The following IPO8 variants were observed in gnomAD, a reference collection of about 807,000 sequenced individuals.
The protein encoded by IPO8 is importin-8.
A neutral mutation model predicts 141.2 loss-of-function variants in IPO8; 65 were observed. That is an observed-to-expected ratio of 0.46 (90% CI 0.38 to 0.57). The LOEUF is 0.57. Among genes scored for constraint, IPO8 ranks in the 20% least tolerant of loss-of-function variants. The pLI is 0.00. For missense variants in IPO8, 980 were observed against 1,246.8 expected (o/e 0.79, Z 3.22); for synonymous variants, 411 against 420.3 (o/e 0.98, Z 0.27).
chr12:30,647,253 T>A (rs1450385840), intron 20 of IPO8, among the ~76,000 whole-genome samples: 1 of 152,138 alleles, frequency 6.6e-6, no homozygotes, highest in East Asian at 1.9e-4. Flanking sequence ...CATAACTACA[T>A]GCAAAAGAAT....
chr12:30,661,344 A>G, intron 15 of IPO8, 78 bp from the exon 16 acceptor site: 2 of 1,341,522 alleles, frequency 1.5e-6, no homozygotes, highest in East Asian at 2.7e-5. Flanking sequence ...GCAAAATGGC[A>G]GTGTCACACA....
chr12:30,634,207 C>G lies in IPO8; in HGVS notation c.2775G>C (p.Glu925Asp), dbSNP rs1456674291. The G allele has an allele frequency of 6.2e-7, 1 of 1,613,902 alleles. No homozygotes were observed. Among genetic ancestry groups the G allele is most frequent in the Non-Finnish European group, 8.5e-7 (1 of 1,179,810 alleles). ...MQSNNGRGED[E>D]EEEDDDWDEE... ...CATCCCAGTCATCATCTTCCTCCTCCTCATCTTCACCTCTTCCATTATTTG... is the reference window on the plus strand; with the variant it reads ...CATCCCAGTCATCATCTTCCTCCTCGTCATCTTCACCTCTTCCATTATTTG... Residue 925 changes from glutamate to aspartate, a missense_variant, in exon 23 of 25, where the codon GAG becomes GAC. Physicochemically the swap from Glu to Asp is conservative, Grantham distance 45. Coordinates refer to ENST00000256079, the MANE Select transcript of IPO8 (RefSeq NM_006390.4).
At position 30,641,493 on chromosome 12, in the gene IPO8, CT is replaced by C. The variant is rs58656525; in HGVS notation, c.2269-1759del. ...CCGTTACCAAAAAATTAAGCTATTT[CT>C]TTTTTTTTTTTTTTTTTCTTTTTTG... On this transcript the variant is annotated intron_variant, in intron 20 of 24. Coordinates refer to ENST00000256079, the MANE Select transcript of IPO8 (RefSeq NM_006390.4). Among the ~76,000 whole-genome samples the C allele has an allele frequency of 7.8e-4, 105 of 135,050 alleles. 1 individual carries two copies. The highest frequency in any genetic ancestry group is 5.4e-3 in the East Asian group (23 of 4,256). 88.6% of individuals were successfully genotyped at this position (135,050 alleles called of 152,430 possible).
At chr12:30,657,541 A>T (rs748698334) in intron 16 of IPO8, among the ~76,000 whole-genome samples, 30 of 152,130 alleles carry the variant, frequency 2.0e-4, no homozygotes, top group Non-Finnish European at 4.4e-4. Context: ...ACTTCAAGGG[A>T]TTTACCCTTC....
chr12:30,667,583 T>C (rs2052984587), intron 10 of IPO8, among the ~76,000 whole-genome samples: 1 of 152,168 alleles, frequency 6.6e-6, no homozygotes, highest in Non-Finnish European at 1.5e-5. Flanking sequence ...TTCCCTATGG[T>C]TACCCAAAAG....
chr12:30,634,230 T>C lies in IPO8; in HGVS notation c.2752A>G (p.Asn918Asp). Residue 918 changes from asparagine to aspartate, a missense_variant, in exon 23 of 25, where the codon AAT becomes GAT. By Grantham distance (23) the Asn-to-Asp change is conservative (BLOSUM62 1). This residue lies in a region of IPO8 where 924 missense variants were observed against 1,153.9 expected (regional missense o/e 0.80). Coordinates refer to ENST00000256079, the MANE Select transcript of IPO8 (RefSeq NM_006390.4). ...TNVTAQAMQS[N>D]NGRGEDEEEE... ...TCCTCATCTTCACCTCTTCCATTAT[T>C]TGACTGCATTGCTTGAGCAGTTACA... 6.2e-7 allele frequency: 1 copy of C among 1,614,012 alleles called. No individual in the cohort carries two copies.
At position 30,630,331 on chromosome 12, in the gene IPO8, GA is replaced by G. The variant is rs1188889707; in HGVS notation, c.*528del. 1.3e-5 allele frequency: 2 copies of G among 152,238 alleles called. No individual in the cohort carries two copies. Among genetic ancestry groups the G allele is most frequent in the African/African-American group, 4.8e-5 (2 of 41,450 alleles). 9.4% of individuals were successfully genotyped at this position (152,238 alleles called of 1,614,324 possible). On this transcript the variant is annotated 3_prime_UTR_variant, in exon 25 of 25. Coordinates refer to ENST00000256079, the MANE Select transcript of IPO8 (RefSeq NM_006390.4). ...GAGCAGAGGGAGCCGTGAAGATTTTGAAACCAGAGTGACTTGCAGTAACTGC... is the reference window on the plus strand; with the variant it reads ...GAGCAGAGGGAGCCGTGAAGATTTTGAACCAGAGTGACTTGCAGTAACTGC...
intron 21 of IPO8, 87 bp from the exon 22 acceptor site, chr12:30,637,274 A>G (rs2052516286): frequency 1.8e-5 from 17 of 962,104 alleles, no homozygotes; most frequent in Non-Finnish European, 2.8e-5. Flanking sequence ...GAAATGTCCA[A>G]GGCATACTCT....
At position 30,636,965 on chromosome 12, in the gene IPO8, CA is replaced by C; in HGVS notation, c.2695+16del. The C allele has an allele frequency of 6.3e-7, 1 of 1,596,624 alleles. No individual in the cohort carries two copies. Among genetic ancestry groups the C allele is most frequent in the South Asian group, 1.1e-5 (1 of 90,652 alleles). On this transcript the variant is annotated intron_variant, in intron 22 of 24. Transcript: ENST00000256079. The stretch of plus-strand genomic sequence containing the variant: ...TCAAAATCAATTGTAACATTAATTT[CA>C]ATTAGAAGACTTTACCATTTTCTTC...
At position 30,649,148 on chromosome 12, in the gene IPO8, C is replaced by G. The variant is rs1223739373; in HGVS notation, c.2257G>C (p.Gly753Arg). 1 of 1,611,116 alleles carries G rather than the reference C, an allele frequency of 6.2e-7. No homozygotes were observed. The change falls in exon 20 of 25, where the codon GGA becomes CGA. Residue 753 changes from glycine to arginine, a missense_variant. Coordinates refer to ENST00000256079, the MANE Select transcript of IPO8 (RefSeq NM_006390.4). Reference protein sequence around the residue: ...EVIILQCKGRGIDQCIPLFVQ... With the variant: ...EVIILQCKGRRIDQCIPLFVQ... ...CAGACATATATTACCTGATCAATTCCCCTTCCTTTGCACTGAAGAATGATG... is the reference window on the plus strand; with the variant it reads ...CAGACATATATTACCTGATCAATTCGCCTTCCTTTGCACTGAAGAATGATG...
chr12:30,650,900 T>C lies in IPO8; in HGVS notation c.2172+1292A>G, dbSNP rs556847586. On this transcript the variant is annotated intron_variant, in intron 19 of 24. Transcript: ENST00000256079. ...TAGTTTCCTTTTGATACAAATGTGA[T>C]ACCTTCCTCATACTGTCATAAAGGT... Among the ~76,000 whole-genome samples, 4 of 152,188 alleles carry C rather than the reference T, an allele frequency of 2.6e-5. No individual in the cohort carries two copies. The East Asian group carries it at 7.7e-4, about 29-fold the overall frequency.
At chr12:30,677,334 A>G in intron 5 of IPO8, 4 of 347,870 alleles carry the variant, frequency 1.1e-5, no homozygotes, top group Non-Finnish European at 2.3e-5. Flanking sequence ...GCATTACTCA[A>G]ATATTTGTGG....
intron 20 of IPO8, among the ~76,000 whole-genome samples, chr12:30,641,660 A>G (rs867723287): frequency 6.6e-6 from 1 of 152,086 alleles, no homozygotes; most frequent in Non-Finnish European, 1.5e-5. Flanking sequence ...CTGTATTTTC[A>G]CTGTATATTG....
In IPO8 at chr12:30,630,200, G is replaced by A. The variant is rs2052410952; in HGVS notation, c.*660C>T. On this transcript the variant is annotated 3_prime_UTR_variant, in exon 25 of 25. Coordinates refer to ENST00000256079, the MANE Select transcript of IPO8 (RefSeq NM_006390.4). ...CAAGGCAGAAAAAAATGAGAGAAGA[G>A]GGAGTAAGACACTTCTTTAAAAAGC... is the stretch of plus-strand genomic sequence containing the variant. 6.6e-6 allele frequency: 1 copy of A among 151,968 alleles called. No homozygotes were observed. The highest frequency in any genetic ancestry group is 2.4e-5 in the African/African-American group (1 of 41,356). 9.4% of individuals were successfully genotyped at this position (151,968 alleles called of 1,614,324 possible).
chr12:30,673,208 G>A (rs902293038), intron 8 of IPO8, among the ~76,000 whole-genome samples: 4 of 151,976 alleles, frequency 2.6e-5, no homozygotes, highest in African/African-American at 4.8e-5. Flanking sequence ...GCAGTGAGCC[G>A]AGATTGTGCC....
In IPO8 at chr12:30,679,446, C is replaced by A. The variant is rs535434511; in HGVS notation, c.639+1036G>T. Among the ~76,000 whole-genome samples, 13 of 152,080 alleles carry A rather than the reference C, an allele frequency of 8.5e-5. No individual in the cohort carries two copies. In the South Asian group the frequency reaches 2.7e-3, roughly 32 times the overall value. Reference sequence around the variant, plus strand: ...CTTCCCAATTTCTAGCTGTTTCTGCCAATAGAAAAAGGAAGTCTGGCCTCT... The same window carrying A: ...CTTCCCAATTTCTAGCTGTTTCTGCAAATAGAAAAAGGAAGTCTGGCCTCT... On this transcript the variant is annotated intron_variant, in intron 5 of 24. Transcript: ENST00000256079.
chr12:30,657,169 G>T (rs2052811548), intron 16 of IPO8, among the ~76,000 whole-genome samples: 1 of 151,748 alleles, frequency 6.6e-6, no homozygotes, highest in African/African-American at 2.4e-5. Flanking sequence ...GCATGGGGAA[G>T]TAAAAAAAAA....
Position 30,695,543 on chromosome 12 carries a change from C to G in IPO8, c.84+21G>C, listed in dbSNP as rs762109611. On this transcript the variant is annotated intron_variant, in intron 1 of 24. Transcript: ENST00000256079. This position sits in a 1 kb window ranked among gnomAD's most constrained non-coding sequence, Gnocchi z 4.2. ...GGGCGCCCCTTCGGCGGAAGAGGGT[C>G]GCCGAAGACCCTCTCCTCACCTGGT... is the stretch of plus-strand genomic sequence containing the variant. The G allele has an allele frequency of 6.2e-7, 1 of 1,608,514 alleles. No individual in the cohort carries two copies. The highest frequency in any genetic ancestry group is 8.5e-7 in the Non-Finnish European group (1 of 1,175,644).
chr12:30,680,299 T>C (rs991620444), intron 5 of IPO8, 183 bp downstream of exon 5: 10 of 502,102 alleles, frequency 2.0e-5, no homozygotes, highest in African/African-American at 1.8e-4. Context: ...TAGGGGCAGA[T>C]ATGCCATTGA....
Sources: gnomAD v4.1 joint callset for allele counts (sites outside exome capture counted in the v4.1 genomes callset) on GRCh38, gnomAD v4.1.1 for gene constraint, gnomAD v4.1.1 regional missense constraint, Gnocchi (gnomAD v3.1) non-coding constraint, MANE v1.5 for transcripts, NCBI Gene and HGNC (gene_info 2026-07-23, HGNC 2026-07-21) for gene names.